Variants in NCAM1 observed in about 807,000 individuals in gnomAD.
The protein encoded by NCAM1 is antigen recognized by monoclonal antibody 5.1H11.
A neutral mutation model predicts 109.8 loss-of-function variants in NCAM1; 14 were observed. The ratio of observed to expected loss-of-function variants is 0.13; its 90% confidence interval spans 0.08 to 0.20. The LOEUF (loss-of-function observed/expected upper bound fraction) is 0.20, where lower values mean the gene tolerates loss of function less well. Among genes scored for constraint, NCAM1 ranks in the 10% least tolerant of loss-of-function variants. NCAM1 has a pLI of 1.00. For missense variants in NCAM1, 774 were observed against 1,109.9 expected (o/e 0.70, Z 4.30); for synonymous variants, 418 against 442.9 (o/e 0.94, Z 0.70).
At chr11:113,060,567 AATAGTTTAAATTATTT>A (rs1360134012) in intron 1 of NCAM1, among the ~76,000 whole-genome samples, 1 of 152,228 alleles carries the variant, frequency 6.6e-6, no homozygotes, top group Non-Finnish European at 1.5e-5. Context: ...AATGCATAAA[AATAGTTTAAATTATTT>A]ATAGTTCTAG....
chr11:113,269,864 G>C, intron 17 of NCAM1: 1 of 395,572 alleles, frequency 2.5e-6, no homozygotes, highest in East Asian at 5.3e-5. Context: ...ACACAGCAGC[G>C]CCCTCCAACT....
At chr11:113,068,971 G>T (rs1938122943) in intron 1 of NCAM1, among the ~76,000 whole-genome samples, 1 of 152,150 alleles carries the variant, frequency 6.6e-6, no homozygotes, top group African/African-American at 2.4e-5. Flanking sequence ...AGTAACGTTT[G>T]TGCTATCTTA....
intron 1 of NCAM1, among the ~76,000 whole-genome samples, chr11:113,009,113 C>G (rs1951965803): frequency 6.6e-6 from 1 of 152,062 alleles, no homozygotes; most frequent in African/African-American, 2.4e-5. Flanking sequence ...CTGACGGAAA[C>G]TCATAGACAT....
At chr11:112,995,802 T>C (rs1200031882) in intron 1 of NCAM1, among the ~76,000 whole-genome samples, 1 of 152,158 alleles carries the variant, frequency 6.6e-6, no homozygotes, top group African/African-American at 2.4e-5. Context: ...GTATCTCATA[T>C]ATAAATGTAA....
intron 1 of NCAM1, among the ~76,000 whole-genome samples, chr11:113,178,216 G>T (rs942101677): frequency 1.3e-5 from 2 of 152,168 alleles, no homozygotes; most frequent in Non-Finnish European, 2.9e-5. Flanking sequence ...AAGTGAACCT[G>T]AGAGCAGAAG....
rs147527785 is a variant in NCAM1 at position 113,118,973 on chromosome 11, A to C, written c.53-83406A>C. 4.5e-4 allele frequency among the ~76,000 whole-genome samples: 69 copies of C among 151,944 alleles called. 1 individual carries two copies. In the East Asian group the frequency reaches 0.013, roughly 28 times the overall value. On this transcript the variant is annotated intron_variant, in intron 1 of 19. Transcript: ENST00000316851. ...AAAATGTTTTTGGAAAGAAATAAGAAATATTTAAATTACCTTCAAATTAAT... is the reference window on the plus strand; with the variant it reads ...AAAATGTTTTTGGAAAGAAATAAGACATATTTAAATTACCTTCAAATTAAT...
At chr11:112,990,356 G>T (rs1555070390) in intron 1 of NCAM1, among the ~76,000 whole-genome samples, 1 of 152,126 alleles carries the variant, frequency 6.6e-6, no homozygotes, top group African/African-American at 2.4e-5. Flanking sequence ...CCCACAGCTG[G>T]GACTAAGCTC....
intron 1 of NCAM1, among the ~76,000 whole-genome samples, chr11:113,161,806 GGAGAA>G (rs1555104447): frequency 6.6e-6 from 1 of 152,126 alleles, no homozygotes; most frequent in Non-Finnish European, 1.5e-5. Context: ...CAGAACTGAG[GGAGAA>G]GAGAAGGTGG....
intron 1 of NCAM1, among the ~76,000 whole-genome samples, chr11:113,171,079 G>C (rs539719924): frequency 6.6e-6 from 1 of 152,278 alleles, no homozygotes; most frequent in South Asian, 2.1e-4. Context: ...GGTTTCCTCT[G>C]TGTGCCAGAG....
chr11:113,119,032 GT>G (rs2136015529), intron 1 of NCAM1, among the ~76,000 whole-genome samples: 1 of 152,028 alleles, frequency 6.6e-6, no homozygotes, highest in East Asian at 1.9e-4. Flanking sequence ...TTTATGGCTA[GT>G]TTTAAAAGAA....
At chr11:112,986,223 G>A (rs986592286) in intron 1 of NCAM1, among the ~76,000 whole-genome samples, 1 of 151,854 alleles carries the variant, frequency 6.6e-6, no homozygotes. Context: ...TTATTGATTT[G>A]CATCTGTTGA....
chr11:113,127,757 G>T (rs1193756305), intron 1 of NCAM1, among the ~76,000 whole-genome samples: 2 of 152,250 alleles, frequency 1.3e-5, no homozygotes, highest in Admixed American at 1.3e-4. Flanking sequence ...CAGCTGCTCA[G>T]CAGCGTCCCT....
intron 8 of NCAM1, among the ~76,000 whole-genome samples, chr11:113,220,955 C>G (rs539916659): frequency 1.3e-5 from 2 of 152,084 alleles, no homozygotes; most frequent in Non-Finnish European, 2.9e-5. Flanking sequence ...GTGGTTAGAA[C>G]TAGTCATGTC....
chr11:113,097,251 A>T (rs1474631768), intron 1 of NCAM1, among the ~76,000 whole-genome samples: 1 of 152,172 alleles, frequency 6.6e-6, no homozygotes, highest in African/African-American at 2.4e-5. Context: ...TATGGCTTTT[A>T]TCTAATGTTG....
At chr11:113,128,615 G>T (rs1941270837) in intron 1 of NCAM1, among the ~76,000 whole-genome samples, 1 of 152,230 alleles carries the variant, frequency 6.6e-6, no homozygotes, top group South Asian at 2.1e-4. Context: ...CCCTTCATAG[G>T]CATGCCCCCT....
At chr11:113,215,078 C>T (rs1944490446) in intron 8 of NCAM1, among the ~76,000 whole-genome samples, 1 of 152,162 alleles carries the variant, frequency 6.6e-6, no homozygotes, top group Non-Finnish European at 1.5e-5. Context: ...GGATTACATC[C>T]TGGTTTTTCA....
chr11:113,216,599 G>A (rs1944540515), intron 8 of NCAM1, among the ~76,000 whole-genome samples: 1 of 152,170 alleles, frequency 6.6e-6, no homozygotes. Context: ...TAGATCATTT[G>A]TCTTAATCTT....
At chr11:113,055,784 T>C (rs1953675579) in intron 1 of NCAM1, among the ~76,000 whole-genome samples, 1 of 150,990 alleles carries the variant, frequency 6.6e-6, no homozygotes, top group African/African-American at 2.4e-5. Context: ...GATATGGAGG[T>C]TCCTCAAAAA....
intron 1 of NCAM1, among the ~76,000 whole-genome samples, chr11:113,000,817 C>CATATACATATATATAT: frequency 7.7e-6 from 1 of 129,458 alleles, no homozygotes; most frequent in Non-Finnish European, 1.6e-5. Context: ...ATTATATATA[C>CATATACATATATATAT]ATATATATAT....
Sources: gnomAD v4.1 joint callset for allele counts (sites outside exome capture counted in the v4.1 genomes callset) on GRCh38, gnomAD v4.1.1 for gene constraint, MANE v1.5 for transcripts, NCBI Gene and HGNC (gene_info 2026-07-23, HGNC 2026-07-21) for gene names.